The following DPP4 variants were observed in gnomAD, a reference collection of about 807,000 sequenced individuals.
DPP4 encodes ADCP-2.
A neutral mutation model predicts 122.4 loss-of-function variants in DPP4; 93 were observed. The observed-to-expected ratio is 0.76, with a 90% CI of 0.64 to 0.90. DPP4 has a LOEUF of 0.90. Among genes scored for constraint, DPP4 ranks in the 40% least tolerant of loss-of-function variants. The probability of loss-of-function intolerance (pLI) is 0.00; values close to 1 mark genes in which losing one functional copy is unlikely to be tolerated. For missense variants in DPP4, 914 were observed against 907.3 expected, an observed-to-expected ratio of 1.01 and a Z score of -0.09; for synonymous variants, 321 against 302.9, an observed-to-expected ratio of 1.06 and a Z score of -0.62.
At chr2:162,060,954 C>T (rs1684749858) in intron 2 of DPP4, among the ~76,000 whole-genome samples, 1 of 143,280 alleles carries the variant, frequency 7.0e-6, no homozygotes, top group Non-Finnish European at 1.5e-5. Flanking sequence ...CCTTCCTAGC[C>T]TCCTTCTTTC....
intron 23 of DPP4, among the ~76,000 whole-genome samples, chr2:162,003,440 T>C (rs78400999): frequency 0.011 from 1,711 of 152,238 alleles, 19 homozygotes; most frequent in East Asian, 0.058. Flanking sequence ...AAATACCCCA[T>C]TGGCTGATGT....
At chr2:162,041,338 C>A (rs1683979803) in intron 5 of DPP4, among the ~76,000 whole-genome samples, 1 of 152,056 alleles carries the variant, frequency 6.6e-6, no homozygotes, top group African/African-American at 2.4e-5. Flanking sequence ...TGCCTGGAGT[C>A]TATTCTAGTG....
chr2:162,054,760 C>T (rs1417032889), intron 2 of DPP4, among the ~76,000 whole-genome samples: 1 of 152,186 alleles, frequency 6.6e-6, no homozygotes, highest in Non-Finnish European at 1.5e-5. Context: ...AAATAAGTTT[C>T]TGTTGCTTAT....
chr2:162,014,239 G>C (rs1046204389), intron 19 of DPP4, among the ~76,000 whole-genome samples, 157 bp downstream of exon 19: 1 of 152,164 alleles, frequency 6.6e-6, no homozygotes, highest in African/African-American at 2.4e-5. Context: ...GAAAACACAG[G>C]TTGGGTTTTG....
At chr2:162,018,871 A>G (rs754211440) in intron 15 of DPP4, 21 bp from the exon 16 acceptor site, 1 of 1,612,914 alleles carries the variant, frequency 6.2e-7, no homozygotes, top group African/African-American at 1.3e-5. Context: ...AACGGTGGAA[A>G]TTAAGTGCTT....
At position 162,041,362 on chromosome 2, in the gene DPP4, G is replaced by T. The variant is rs191117166; in HGVS notation, c.367-2178C>A. 1.5e-3 allele frequency among the ~76,000 whole-genome samples: 235 copies of T among 152,166 alleles called. 2 individuals carry two copies. The highest frequency in any genetic ancestry group is 3.0e-3 in the Non-Finnish European group (202 of 67,984). On this transcript the variant is annotated intron_variant, in intron 5 of 25. Transcript: ENST00000360534. ...TCTATTCTAGTGCAAGCCACATAGT[G>T]AGTGTTCAAGAAATACAACAAATTA... is the stretch of plus-strand genomic sequence containing the variant.
chr2:162,039,302 C>A, intron 5 of DPP4, 118 bp from the exon 6 acceptor site: 1 of 869,434 alleles, frequency 1.2e-6, no homozygotes, highest in Non-Finnish European at 1.8e-6. Flanking sequence ...CACATGTTAT[C>A]ATATCTTATA....
chr2:162,005,316 A>C lies in DPP4; in HGVS notation c.2052+429T>G, dbSNP rs183686803. On this transcript the variant is annotated intron_variant, in intron 23 of 25. Transcript: ENST00000360534. ...GCTTTACTTAAATCTTTGTGAAAAA[A>C]AACTGTACATAATTGGCTATGAGTA... Among the ~76,000 whole-genome samples the C allele has an allele frequency of 5.8e-4, 89 of 152,314 alleles. 1 individual carries two copies. The East Asian group carries it at 0.014, about 24-fold the overall frequency.
At chr2:162,009,168 C>T in intron 21 of DPP4, 73 bp downstream of exon 21, 3 of 1,492,032 alleles carry the variant, frequency 2.0e-6, no homozygotes, top group Non-Finnish European at 2.8e-6. Flanking sequence ...TATGTATATA[C>T]AAAAGATAAA....
intron 23 of DPP4, among the ~76,000 whole-genome samples, chr2:161,998,286 G>C (rs1008748887): frequency 6.6e-6 from 1 of 152,214 alleles, no homozygotes; most frequent in Non-Finnish European, 1.5e-5. Flanking sequence ...AGTACTGACC[G>C]TAAACATTAA....
intron 2 of DPP4, among the ~76,000 whole-genome samples, chr2:162,053,079 T>C (rs56755168): frequency 0.039 from 5,932 of 152,116 alleles, 266 homozygotes; most frequent in African/African-American, 0.1. Context: ...ATAGACAGAG[T>C]TCATAATCAT....
chr2:162,030,207 C>T (rs556225608), intron 10 of DPP4, among the ~76,000 whole-genome samples: 13 of 152,248 alleles, frequency 8.5e-5, no homozygotes, highest in Admixed American at 4.6e-4. Context: ...TTATGAACAA[C>T]GAACACAAAA....
intron 22 of DPP4, 30 bp from the exon 23 acceptor site, chr2:162,005,839 T>G (rs757644411): frequency 3.2e-6 from 5 of 1,585,254 alleles, no homozygotes; most frequent in African/African-American, 2.7e-5. Context: ...AAAAAAAAGT[T>G]TAATTCATAC....
chr2:162,014,048 C>A (rs1682816887), intron 19 of DPP4, among the ~76,000 whole-genome samples: 1 of 152,148 alleles, frequency 6.6e-6, no homozygotes, highest in Non-Finnish European at 1.5e-5. Flanking sequence ...GGTAAGGGAA[C>A]TGTCACGACT....
Position 162,010,964 on chromosome 2 carries a change from C to T in DPP4, c.1832+829G>A, listed in dbSNP as rs2300758. 3.2e-3 allele frequency among the ~76,000 whole-genome samples: 485 copies of T among 152,182 alleles called. 10 individuals are homozygous for T. In the East Asian group the frequency reaches 0.054, roughly 17 times the overall value. ...TTACAGAAACTCAAAGTTACATTTCCCACATACCAGTTGAATGTAATTAAA... is the reference window on the plus strand; with the variant it reads ...TTACAGAAACTCAAAGTTACATTTCTCACATACCAGTTGAATGTAATTAAA... On this transcript the variant is annotated intron_variant, in intron 20 of 25. Transcript: ENST00000360534.
intron 2 of DPP4, among the ~76,000 whole-genome samples, chr2:162,069,687 T>C (rs924241915): frequency 2.6e-5 from 4 of 152,192 alleles, no homozygotes; most frequent in African/African-American, 9.6e-5. Flanking sequence ...AATTGTCCCC[T>C]GAAACATACA....
chr2:162,065,290 T>C (rs572750924), intron 2 of DPP4, among the ~76,000 whole-genome samples: 159 of 152,338 alleles, frequency 1.0e-3, no homozygotes, highest in Non-Finnish European at 1.9e-3. Context: ...GAGCATCCTC[T>C]TCTGCCCTGT....
chr2:162,046,664 G>A (rs1433250307), intron 4 of DPP4: 6 of 565,496 alleles, frequency 1.1e-5, no homozygotes, highest in South Asian at 4.6e-5. Context: ...AAAGTGAAGA[G>A]GGAGGCAAAT....
chr2:161,993,555 C>T (rs534364059), intron 25 of DPP4, among the ~76,000 whole-genome samples, 171 bp from the exon 26 acceptor site: 3 of 152,140 alleles, frequency 2.0e-5, no homozygotes, highest in African/African-American at 7.2e-5. Flanking sequence ...GTCTAATTTT[C>T]CCCCAGAGCT....
Sources: gnomAD v4.1 joint callset for allele counts (sites outside exome capture counted in the v4.1 genomes callset) on GRCh38, gnomAD v4.1.1 for gene constraint, MANE v1.5 for transcripts, NCBI Gene and HGNC (gene_info 2026-07-23, HGNC 2026-07-21) for gene names.